GRM7: variants seen among roughly 807,000 people sequenced by gnomAD.
GRM7 encodes metabotropic glutamate receptor 7.
Under a neutral mutation model 84.5 loss-of-function variants are expected in GRM7, and 35 were observed. That is an observed-to-expected ratio of 0.41 (90% CI 0.32 to 0.55). The LOEUF is 0.55. GRM7 is among the 20% of genes least tolerant of loss of function. The probability of loss-of-function intolerance (pLI) is 0.19; values close to 1 mark genes in which losing one functional copy is unlikely to be tolerated. For synonymous variants in GRM7, 487 were observed against 455.1 expected (o/e 1.07, Z -0.89); for missense variants, 1,003 against 1,194.6 (o/e 0.84, Z 2.36).
chr3:7,425,118 A>C (rs991173796), intron 5 of GRM7, among the ~76,000 whole-genome samples: 1 of 152,158 alleles, frequency 6.6e-6, no homozygotes, highest in Non-Finnish European at 1.5e-5. Flanking sequence ...TTTTGCTTCT[A>C]TAGCAATTTC....
chr3:7,410,267 G>A (rs557050352), intron 4 of GRM7, among the ~76,000 whole-genome samples: 122 of 152,236 alleles, frequency 8.0e-4, no homozygotes, highest in African/African-American at 2.7e-3. Context: ...TGGCTTTGAA[G>A]CTGATTTTAA....
chr3:7,268,782 T>C (rs76713623), intron 2 of GRM7, among the ~76,000 whole-genome samples: 1,737 of 152,320 alleles, frequency 0.011, 32 homozygotes, highest in African/African-American at 0.039. Flanking sequence ...GTAATCTCTG[T>C]TTCTCTCCTC....
intron 7 of GRM7, among the ~76,000 whole-genome samples, chr3:7,529,688 A>G (rs1327228791): frequency 6.6e-6 from 1 of 152,018 alleles, no homozygotes; most frequent in East Asian, 1.9e-4. Flanking sequence ...AGGTTCATCA[A>G]CCTGCCTTAA....
chr3:7,676,608 G>A (rs192227124), intron 8 of GRM7, among the ~76,000 whole-genome samples: 44 of 152,090 alleles, frequency 2.9e-4, no homozygotes, highest in Admixed American at 2.7e-3. Context: ...ACAGGCACCC[G>A]CCACCACACC....
intron 7 of GRM7, among the ~76,000 whole-genome samples, chr3:7,568,052 G>A (rs1195216008): frequency 6.6e-6 from 1 of 152,162 alleles, no homozygotes; most frequent in African/African-American, 2.4e-5. Context: ...TTACTTGGGT[G>A]ATTATTGTTA....
intron 9 of GRM7, among the ~76,000 whole-genome samples, chr3:7,700,539 T>C (rs770258233): frequency 2.6e-5 from 4 of 152,248 alleles, no homozygotes; most frequent in Non-Finnish European, 5.9e-5. Flanking sequence ...TGAAGGAGAT[T>C]GCTAAGCTTT....
At position 7,149,191 on chromosome 3, in the gene GRM7, A is replaced by T. The variant is rs572186337; in HGVS notation, c.736+2523A>T. On this transcript the variant is annotated intron_variant, in intron 2 of 9. Transcript: ENST00000357716. ...CACCCCTTCTTTTCAATTAGAAGAA[A>T]GGAAGAAAGAAAGATTATTAGCTTA... Among the ~76,000 whole-genome samples the T allele has an allele frequency of 3.3e-5, 5 of 152,290 alleles. No individual in the cohort carries two copies. In the South Asian group the frequency reaches 1.0e-3, roughly 32 times the overall value.
At chr3:7,550,869 T>C (rs753401879) in intron 7 of GRM7, among the ~76,000 whole-genome samples, 2 of 152,098 alleles carry the variant, frequency 1.3e-5, no homozygotes, top group Non-Finnish European at 2.9e-5. Flanking sequence ...ATTGACTTAA[T>C]CTTTAATTTC....
intron 1 of GRM7, among the ~76,000 whole-genome samples, chr3:7,128,848 C>G (rs1026732799): frequency 2.0e-5 from 3 of 151,930 alleles, no homozygotes; most frequent in Admixed American, 6.6e-5. Flanking sequence ...GTTAAGGGAG[C>G]TATCTTTCCA....
chr3:7,132,779 T>A (rs1019554684), intron 1 of GRM7, among the ~76,000 whole-genome samples: 3 of 152,250 alleles, frequency 2.0e-5, no homozygotes, highest in Admixed American at 6.5e-5. Context: ...ACGCTGAAAG[T>A]GGCTTCGGAA....
At chr3:7,236,646 A>G (rs1697358967) in intron 2 of GRM7, among the ~76,000 whole-genome samples, 1 of 152,192 alleles carries the variant, frequency 6.6e-6, no homozygotes, top group Non-Finnish European at 1.5e-5. Context: ...CAACAAGCTT[A>G]GGCTAGCAGG....
At chr3:7,332,738 G>T (rs1003306556) in intron 4 of GRM7, among the ~76,000 whole-genome samples, 3 of 152,120 alleles carry the variant, frequency 2.0e-5, no homozygotes, top group African/African-American at 4.8e-5. Flanking sequence ...AGAATTCACA[G>T]AACCTTTGAA....
At chr3:7,463,717 T>C (rs1397687114) in intron 7 of GRM7, among the ~76,000 whole-genome samples, 2 of 152,102 alleles carry the variant, frequency 1.3e-5, no homozygotes, top group Non-Finnish European at 2.9e-5. Context: ...GTCAGATGGC[T>C]GATGTGATGA....
At chr3:7,040,277 A>T (rs1035888019) in intron 1 of GRM7, among the ~76,000 whole-genome samples, 1 of 152,026 alleles carries the variant, frequency 6.6e-6, no homozygotes, top group Non-Finnish European at 1.5e-5. Flanking sequence ...AGTGCGTTTC[A>T]TGATTAGACC....
At chr3:7,715,286 C>T (rs1490646546) in intron 9 of GRM7, among the ~76,000 whole-genome samples, 1 of 151,916 alleles carries the variant, frequency 6.6e-6, no homozygotes, top group Non-Finnish European at 1.5e-5. Flanking sequence ...ATAGCAAGAC[C>T]CCATCTCTAC....
chr3:7,734,504 T>C (rs1381299450), intron 9 of GRM7, among the ~76,000 whole-genome samples: 4 of 152,230 alleles, frequency 2.6e-5, no homozygotes, highest in Non-Finnish European at 5.9e-5. Flanking sequence ...TTAAGTAATA[T>C]TTTGTTAGAT....
At chr3:7,338,420 T>C (rs1450775927) in intron 4 of GRM7, among the ~76,000 whole-genome samples, 2 of 151,996 alleles carry the variant, frequency 1.3e-5, no homozygotes, top group African/African-American at 4.8e-5. Flanking sequence ...ATGGGTATAC[T>C]AAAATCTCAG....
At chr3:7,383,421 T>TA (rs1432547791) in intron 4 of GRM7, among the ~76,000 whole-genome samples, 1 of 152,176 alleles carries the variant, frequency 6.6e-6, no homozygotes, top group East Asian at 1.9e-4. Context: ...AACAGATATT[T>TA]AAAAATGAAA....
At chr3:7,001,995 A>G (rs1695028743) in intron 1 of GRM7, among the ~76,000 whole-genome samples, 1 of 152,218 alleles carries the variant, frequency 6.6e-6, no homozygotes, top group Non-Finnish European at 1.5e-5. Flanking sequence ...CTTTAATTAT[A>G]TGCTTTTGAT....
Sources: gnomAD v4.1 joint callset for allele counts (sites outside exome capture counted in the v4.1 genomes callset) on GRCh38, gnomAD v4.1.1 for gene constraint, MANE v1.5 for transcripts, NCBI Gene and HGNC (gene_info 2026-07-23, HGNC 2026-07-21) for gene names.